Variants in GPC6 observed in about 807,000 individuals in gnomAD.
GPC6 encodes the protein glypican 6, also known as glypican-6.
GPC6 carries 14 observed loss-of-function variants against 55.2 expected under a neutral mutation model. The observed-to-expected ratio is 0.25, with a 90% CI of 0.17 to 0.40. GPC6 has a LOEUF of 0.40. Among genes scored for constraint, GPC6 ranks in the 10% least tolerant of loss-of-function variants. The pLI is 1.00. For missense variants in GPC6, 641 were observed against 708.5 expected (o/e 0.90, Z 1.08); for synonymous variants, 278 against 259.6 (o/e 1.07, Z -0.68).
rs145310053 is a variant in GPC6, at chr13:93,362,405, C to T, written c.160+134789C>T. ...ATAAAGACATTACCTGTGATTGAGT[C>T]TCTTTGATCAAGGGCTGTAAACCCA... On this transcript the variant is annotated intron_variant, in intron 1 of 8. Transcript: ENST00000377047. 3.0e-3 allele frequency among the ~76,000 whole-genome samples: 464 copies of T among 152,254 alleles called. 1 individual carries two copies. The highest frequency in any genetic ancestry group is 4.7e-3 in the Non-Finnish European group (317 of 68,018).
intron 2 of GPC6, among the ~76,000 whole-genome samples, chr13:93,759,444 A>G (rs761255421): frequency 1.3e-5 from 2 of 152,200 alleles, no homozygotes; most frequent in Non-Finnish European, 2.9e-5. Context: ...CTCTCAGTCG[A>G]TATGACAAGA....
intron 2 of GPC6, among the ~76,000 whole-genome samples, chr13:93,784,455 T>C (rs9524211): frequency 0.66 from 100,489 of 152,024 alleles, 33,740 homozygotes; most frequent in East Asian, 0.81. Flanking sequence ...GCTGAGTAGG[T>C]ATTTTCCAAA....
intron 1 of GPC6, among the ~76,000 whole-genome samples, chr13:93,489,577 A>C (rs1594206959): frequency 6.6e-6 from 1 of 151,276 alleles, no homozygotes; most frequent in South Asian, 2.1e-4. Context: ...GGCCATTTTC[A>C]CAATATTGAT....
chr13:93,752,861 C>T (rs752829550), intron 2 of GPC6, among the ~76,000 whole-genome samples: 9 of 152,236 alleles, frequency 5.9e-5, no homozygotes, highest in South Asian at 4.1e-4. Flanking sequence ...TCCCTACTGC[C>T]GAGGTTTGTG....
chr13:94,149,474 G>A (rs766401280), intron 4 of GPC6, among the ~76,000 whole-genome samples: 1 of 152,128 alleles, frequency 6.6e-6, no homozygotes, highest in Non-Finnish European at 1.5e-5. Context: ...CATAACTTAA[G>A]TGCGATAGTA....
At chr13:93,738,967 A>ACACACT (rs1555328094) in intron 2 of GPC6, among the ~76,000 whole-genome samples, 1 of 149,844 alleles carries the variant, frequency 6.7e-6, no homozygotes, top group Non-Finnish European at 1.5e-5. Context: ...ACACACACAC[A>ACACACT]CACACTCACA....
At chr13:93,278,312 C>T (rs1434404040) in intron 1 of GPC6, among the ~76,000 whole-genome samples, 1 of 152,066 alleles carries the variant, frequency 6.6e-6, no homozygotes, top group Admixed American at 6.5e-5. Context: ...GCCATCTTAA[C>T]CATTTTTAAG....
At chr13:93,603,514 A>G (rs1423062329) in intron 2 of GPC6, among the ~76,000 whole-genome samples, 1 of 152,186 alleles carries the variant, frequency 6.6e-6, no homozygotes, top group Non-Finnish European at 1.5e-5. Context: ...CATAGGTATT[A>G]TTGTCCCCAC....
chr13:93,781,913 C>T (rs1333731768), intron 2 of GPC6, among the ~76,000 whole-genome samples: 2 of 152,036 alleles, frequency 1.3e-5, no homozygotes, highest in Non-Finnish European at 2.9e-5. Flanking sequence ...ATTTTATTAG[C>T]ATATGTATTA....
intron 1 of GPC6, among the ~76,000 whole-genome samples, chr13:93,376,466 C>T (rs1161578373): frequency 1.3e-5 from 2 of 152,120 alleles, no homozygotes; most frequent in Admixed American, 6.6e-5. Flanking sequence ...TAATTCTGCT[C>T]AAAAACTGCC....
At chr13:94,254,039 C>T (rs1430253646) in intron 4 of GPC6, among the ~76,000 whole-genome samples, 1 of 152,074 alleles carries the variant, frequency 6.6e-6, no homozygotes, top group East Asian at 1.9e-4. Flanking sequence ...CCTTCCCAAC[C>T]ATGACACAAT....
intron 4 of GPC6, among the ~76,000 whole-genome samples, chr13:94,053,527 A>C (rs1315047887): frequency 6.6e-6 from 1 of 152,166 alleles, no homozygotes; most frequent in Admixed American, 6.6e-5. Context: ...GAAGAAATAG[A>C]AGCTGCAGTG....
chr13:93,718,222 C>T (rs1042219013), intron 2 of GPC6, among the ~76,000 whole-genome samples: 1 of 151,944 alleles, frequency 6.6e-6, no homozygotes, highest in Non-Finnish European at 1.5e-5. Flanking sequence ...TTTACACTCC[C>T]ACCATTAGTG....
chr13:94,266,151 C>CTTTTTTTTTTTTTTTTTTTTTTTT (rs111623457), intron 4 of GPC6, among the ~76,000 whole-genome samples: 1 of 142,822 alleles, frequency 7.0e-6, no homozygotes. Flanking sequence ...CTTTTCTTTT[C>CTTTTTTTTTTTTTTTTTTTTTTTT]TTTTTTTTTT....
intron 2 of GPC6, among the ~76,000 whole-genome samples, chr13:93,824,076 T>C (rs1052259336): frequency 2.6e-5 from 4 of 152,122 alleles, no homozygotes; most frequent in African/African-American, 9.7e-5. Context: ...CCTCAAAATC[T>C]AAAAAATACA....
At chr13:93,693,461 CTGTGTGTGTGTG>C (rs35459356) in intron 2 of GPC6, among the ~76,000 whole-genome samples, 188 of 139,418 alleles carry the variant, frequency 1.3e-3, no homozygotes, top group African/African-American at 4.6e-3. Context: ...GTATGTATAT[CTGTGTGTGTGTG>C]TGTGTGTGTG....
intron 4 of GPC6, among the ~76,000 whole-genome samples, chr13:94,043,541 A>G (rs1392428393): frequency 6.6e-6 from 1 of 151,884 alleles, no homozygotes; most frequent in East Asian, 1.9e-4. Flanking sequence ...ACTAAACTAT[A>G]TACTTCATTT....
At chr13:94,043,327 A>G (rs1332127672) in intron 4 of GPC6, among the ~76,000 whole-genome samples, 1 of 151,872 alleles carries the variant, frequency 6.6e-6, no homozygotes, top group Non-Finnish European at 1.5e-5. Context: ...TACTTCATAC[A>G]TACTGACAAT....
rs552081871 is a variant in GPC6 at position 93,695,261 on chromosome 13, A to C, written c.320-134893A>C. ...AATATGTTTGCTAGCAGAATGAGAA[A>C]TTGATTTACTTACTTTTTAAAATTG... On this transcript the variant is annotated intron_variant, in intron 2 of 8. Coordinates refer to ENST00000377047, the MANE Select transcript of GPC6 (RefSeq NM_005708.5). Among the ~76,000 whole-genome samples the C allele has an allele frequency of 2.0e-5, 3 of 152,202 alleles. No homozygotes were observed. In the East Asian group the frequency reaches 5.8e-4, roughly 29 times the overall value.
Sources: gnomAD v4.1 joint callset for allele counts (sites outside exome capture counted in the v4.1 genomes callset) on GRCh38, gnomAD v4.1.1 for gene constraint, MANE v1.5 for transcripts, NCBI Gene and HGNC (gene_info 2026-07-23, HGNC 2026-07-21) for gene names.